TMEM117: variants seen among roughly 807,000 people sequenced by gnomAD.
TMEM117 encodes the protein transmembrane protein 117.
Under a neutral mutation model 52.4 loss-of-function variants are expected in TMEM117, and 27 were observed. That is an observed-to-expected ratio of 0.51 (90% CI 0.38 to 0.71). The LOEUF (loss-of-function observed/expected upper bound fraction) is 0.71, where lower values mean the gene tolerates loss of function less well. TMEM117 is among the 30% of genes least tolerant of loss of function. The pLI is 0.00. For missense variants in TMEM117, 556 were observed against 630.5 expected, an observed-to-expected ratio of 0.88 and a Z score of 1.26; for synonymous variants, 215 against 206.3, an observed-to-expected ratio of 1.04 and a Z score of -0.36.
chr12:43,912,898 T>C (rs1337255557), intron 2 of TMEM117, among the ~76,000 whole-genome samples: 1 of 152,166 alleles, frequency 6.6e-6, no homozygotes, highest in Non-Finnish European at 1.5e-5. Context: ...CTTTAAAAAT[T>C]GGAGTCCTCC....
chr12:43,850,240 A>G (rs1274817076), intron 2 of TMEM117, among the ~76,000 whole-genome samples: 1 of 152,206 alleles, frequency 6.6e-6, no homozygotes, highest in Admixed American at 6.5e-5. Flanking sequence ...GGAAGGATTC[A>G]TGGTAAGTAA....
intron 2 of TMEM117, among the ~76,000 whole-genome samples, chr12:43,915,613 G>T (rs1413742430): frequency 6.6e-6 from 1 of 152,144 alleles, no homozygotes; most frequent in Non-Finnish European, 1.5e-5. Context: ...GTGACTATCT[G>T]CTGGCTCTAG....
chr12:43,971,580 G>C (rs761535224), intron 3 of TMEM117, among the ~76,000 whole-genome samples: 1 of 152,090 alleles, frequency 6.6e-6, no homozygotes, highest in Non-Finnish European at 1.5e-5. Flanking sequence ...ACTTATTCAG[G>C]TCTCTGCTTA....
chr12:44,370,444 G>T (rs573457629), intron 6 of TMEM117, among the ~76,000 whole-genome samples: 22 of 150,332 alleles, frequency 1.5e-4, no homozygotes, highest in African/African-American at 4.9e-4. Context: ...AGTATTTATT[G>T]TGTTGTTTCT....
rs1196718278 is a variant in TMEM117 at position 43,947,044 on chromosome 12, T to C, written c.410+2702T>C. Among the ~76,000 whole-genome samples, 3 of 152,126 alleles carry C rather than the reference T, an allele frequency of 2.0e-5. No individual in the cohort carries two copies. In the East Asian group the frequency reaches 5.8e-4, roughly 29 times the overall value. ...AAATGGTTTAGTTCTGCAGAAAAAA[T>C]AAATCAAGGCTGAGCATGGTGACTT... On this transcript the variant is annotated intron_variant, in intron 3 of 7. Coordinates refer to ENST00000266534, the MANE Select transcript of TMEM117 (RefSeq NM_032256.3).
At chr12:43,986,871 C>T (rs914764494) in intron 3 of TMEM117, among the ~76,000 whole-genome samples, 15 of 152,060 alleles carry the variant, frequency 9.9e-5, no homozygotes, top group African/African-American at 3.1e-4. Flanking sequence ...GCTGTTTAAC[C>T]TACCAATTAG....
At chr12:44,066,111 A>AT (rs1168330594) in intron 3 of TMEM117, among the ~76,000 whole-genome samples, 1 of 152,186 alleles carries the variant, frequency 6.6e-6, no homozygotes, top group Non-Finnish European at 1.5e-5. Context: ...ATTTGATACA[A>AT]TTTGAACAGT....
intron 4 of TMEM117, among the ~76,000 whole-genome samples, chr12:44,152,071 AATATAT>A (rs1363503226): frequency 8.6e-6 from 1 of 116,242 alleles, no homozygotes; most frequent in Non-Finnish European, 1.6e-5. Flanking sequence ...TTATAGATAT[AATATAT>A]ATTTATATTA....
chr12:44,374,685 C>A (rs537923722), intron 6 of TMEM117, among the ~76,000 whole-genome samples: 1 of 150,156 alleles, frequency 6.7e-6, no homozygotes, highest in African/African-American at 2.5e-5. Flanking sequence ...TTATCATAGT[C>A]TACAAGAAAT....
the TMEM117 span, chr12:43,806,189 C>T: frequency 8.4e-6 from 13 of 1,539,428 alleles, no homozygotes; most frequent in Non-Finnish European, 1.1e-5. Context: ...CCCGGAAGCC[C>T]CTTCCCTGCG....
chr12:44,135,318 C>G (rs1385465778), intron 3 of TMEM117, among the ~76,000 whole-genome samples: 1 of 152,074 alleles, frequency 6.6e-6, no homozygotes, highest in Admixed American at 6.6e-5. Flanking sequence ...CTCTGGGGTG[C>G]TATTTTCTTT....
chr12:44,169,887 C>G (rs754312558), intron 4 of TMEM117, among the ~76,000 whole-genome samples: 1 of 152,106 alleles, frequency 6.6e-6, no homozygotes, highest in Non-Finnish European at 1.5e-5. Flanking sequence ...ACAGCGTGGC[C>G]ATTCCTCAAG....
At chr12:44,299,426 C>T (rs138867446) in intron 5 of TMEM117, among the ~76,000 whole-genome samples, 154 bp from the exon 6 acceptor site, 1 of 152,324 alleles carries the variant, frequency 6.6e-6, no homozygotes, top group Non-Finnish European at 1.5e-5. Context: ...AGCCACCATG[C>T]CCGGCCAACT....
At chr12:44,004,152 T>G (rs935497884) in intron 3 of TMEM117, among the ~76,000 whole-genome samples, 1 of 152,208 alleles carries the variant, frequency 6.6e-6, no homozygotes, top group African/African-American at 2.4e-5. Flanking sequence ...AGAACCATGT[T>G]TCCTGCTCTC....
chr12:44,384,417 T>G (rs1348782849), intron 7 of TMEM117, among the ~76,000 whole-genome samples: 3 of 152,012 alleles, frequency 2.0e-5, no homozygotes, highest in Middle Eastern at 3.2e-3. Flanking sequence ...CCTCTGCACT[T>G]CCCCACCCCC....
At chr12:44,168,913 G>C (rs999519230) in intron 4 of TMEM117, among the ~76,000 whole-genome samples, 1 of 151,978 alleles carries the variant, frequency 6.6e-6, no homozygotes, top group African/African-American at 2.4e-5. Context: ...CCATCTCTAG[G>C]AATTTGACTA....
chr12:43,797,528 C>G, the TMEM117 span: 1 of 1,377,804 alleles, frequency 7.3e-7, no homozygotes, highest in Non-Finnish European at 9.8e-7. Context: ...ATAAAAAGAC[C>G]AAGAGATAAA....
intron 3 of TMEM117, among the ~76,000 whole-genome samples, chr12:44,064,733 C>T (rs1044394495): frequency 2.0e-5 from 3 of 151,932 alleles, no homozygotes; most frequent in Admixed American, 1.3e-4. Flanking sequence ...CATAATTTAG[C>T]GTTCAATAAC....
intron 3 of TMEM117, among the ~76,000 whole-genome samples, chr12:43,984,775 T>G (rs564840962): frequency 1.3e-5 from 2 of 150,500 alleles, no homozygotes; most frequent in South Asian, 4.2e-4. Flanking sequence ...TTGTAATCTG[T>G]TTTTTTTTGT....
Sources: gnomAD v4.1 joint callset for allele counts (sites outside exome capture counted in the v4.1 genomes callset) on GRCh38, gnomAD v4.1.1 for gene constraint, MANE v1.5 for transcripts, NCBI Gene and HGNC (gene_info 2026-07-23, HGNC 2026-07-21) for gene names.